Variants in CNMD observed in about 807,000 individuals in gnomAD.
CNMD encodes the protein leukocyte cell-derived chemotaxin 1.
CNMD carries 30 observed loss-of-function variants against 37.5 expected under a neutral mutation model. The ratio of observed to expected loss-of-function variants is 0.80; its 90% CI spans 0.60 to 1.09. The LOEUF (loss-of-function observed/expected upper bound fraction) is 1.09. CNMD is among the 50% of genes least tolerant of loss of function. CNMD has a pLI of 0.00. For synonymous variants in CNMD, 167 were observed against 148.2 expected, an observed-to-expected ratio of 1.13 and a Z score of -0.92; for missense variants, 398 against 423.9, an observed-to-expected ratio of 0.94 and a Z score of 0.54.
At position 52,734,688 on chromosome 13, in the gene CNMD, G is replaced by A. The variant is rs148246738; in HGVS notation, c.214-1329C>T. On this transcript the variant is annotated intron_variant, in intron 2 of 6. Transcript: ENST00000377962. ...CATATATATAAATCTTTAAAGTGGA[G>A]GAATGAGAACTGATGAAAAACTGTT... Among the ~76,000 whole-genome samples the A allele has an allele frequency of 4.8e-3, 723 of 151,996 alleles. 3 individuals are homozygous for A. Among genetic ancestry groups the A allele is most frequent in the African/African-American group, 0.016 (668 of 41,434 alleles).
At chr13:52,708,372 A>G (rs1312908090) in intron 6 of CNMD, among the ~76,000 whole-genome samples, 164 bp downstream of exon 6, 1 of 151,912 alleles carries the variant, frequency 6.6e-6, no homozygotes, top group East Asian at 2.0e-4. Flanking sequence ...TAGTAGAGAC[A>G]GGGTTTCACC....
At chr13:52,708,365 T>G (rs1964228158) in intron 6 of CNMD, among the ~76,000 whole-genome samples, 171 bp downstream of exon 6, 1 of 152,018 alleles carries the variant, frequency 6.6e-6, no homozygotes, top group Non-Finnish European at 1.5e-5. Flanking sequence ...GTATCTTTAG[T>G]AGAGACAGGG....
At chr13:52,708,879 T>C (rs529793025) in intron 5 of CNMD, among the ~76,000 whole-genome samples, 177 bp from the exon 6 acceptor site, 3 of 152,298 alleles carry the variant, frequency 2.0e-5, no homozygotes, top group South Asian at 4.1e-4. Context: ...CTTGGGCTAA[T>C]AGTTAAACAT....
intron 6 of CNMD, among the ~76,000 whole-genome samples, chr13:52,707,110 T>C (rs1594274961): frequency 6.6e-6 from 1 of 152,068 alleles, no homozygotes; most frequent in Non-Finnish European, 1.5e-5. Context: ...GCCAGGCTGG[T>C]CTTGAACTCC....
intron 6 of CNMD, 90 bp from the exon 7 acceptor site, chr13:52,703,900 C>T: frequency 2.7e-6 from 3 of 1,118,922 alleles, no homozygotes; most frequent in Admixed American, 2.0e-5. Context: ...CTGAATTTTT[C>T]ACTGCTACAG....
chr13:52,736,705 C>A (rs745731383), intron 2 of CNMD, among the ~76,000 whole-genome samples: 1 of 152,078 alleles, frequency 6.6e-6, no homozygotes, highest in Non-Finnish European at 1.5e-5. Context: ...CTTTTACAGC[C>A]AAGGATATTT....
At chr13:52,704,904 A>G (rs1340041222) in intron 6 of CNMD, among the ~76,000 whole-genome samples, 1 of 468 alleles carries the variant, frequency 2.1e-3, no homozygotes, top group Non-Finnish European at 4.1e-3. Flanking sequence ...CATCTCTACT[A>G]AAAAATTAGC....
At chr13:52,719,529 C>T (rs1282675330) in intron 4 of CNMD, among the ~76,000 whole-genome samples, 1 of 152,214 alleles carries the variant, frequency 6.6e-6, no homozygotes, top group Non-Finnish European at 1.5e-5. Flanking sequence ...CTGGTGGTGA[C>T]ACAATCTCTC....
chr13:52,733,190 A>C (rs1964702283), intron 3 of CNMD, 29 bp downstream of exon 3: 19 of 1,613,254 alleles, frequency 1.2e-5, no homozygotes, highest in Non-Finnish European at 1.6e-5. Context: ...TGCCTGGTTA[A>C]ATTCTCTAAA....
chr13:52,709,340 C>T (rs1226961987), intron 5 of CNMD, among the ~76,000 whole-genome samples: 2 of 152,176 alleles, frequency 1.3e-5, no homozygotes, highest in Non-Finnish European at 2.9e-5. Flanking sequence ...TCTCTCTAGA[C>T]TTCTGGCTAT....
chr13:52,733,231 A>G lies in CNMD; in HGVS notation c.342T>C (p.Asn114=). 2 of 1,614,136 alleles carry G rather than the reference A, an allele frequency of 1.2e-6. No homozygotes were observed. Among genetic ancestry groups the G allele is most frequent in the Non-Finnish European group, 1.7e-6 (2 of 1,179,966 alleles). Residue 114 remains asparagine (N), a synonymous_variant, in exon 3 of 7, where the codon AAT becomes AAC. Coordinates refer to ENST00000377962, the MANE Select transcript of CNMD (RefSeq NM_007015.3). ...GAAATATACTTACATTCTGGAAATCATTAACTGCAATTGCTTCTTCAGCTC... is the reference window on the plus strand; with the variant it reads ...GAAATATACTTACATTCTGGAAATCGTTAACTGCAATTGCTTCTTCAGCTC... ...GSGAEEAIAV[N]DFQNGITGIR...
chr13:52,725,498 G>A (rs1964557259), intron 3 of CNMD, among the ~76,000 whole-genome samples: 1 of 151,952 alleles, frequency 6.6e-6, no homozygotes, highest in African/African-American at 2.4e-5. Flanking sequence ...CTGCCTCAAG[G>A]GAAACATCAG....
At position 52,739,503 on chromosome 13, in the gene CNMD, A is replaced by C; in HGVS notation, c.72+127T>G. ...GCGTGGGGCGACATCCCACCCACAC[A>C]TTTGGGACCCAAATTTATCCCCCCG... On this transcript the variant is annotated intron_variant, in intron 1 of 6. Coordinates refer to ENST00000377962, the MANE Select transcript of CNMD (RefSeq NM_007015.3). The surrounding 1 kb of genome is among the most constrained non-coding windows in gnomAD (Gnocchi z 5.4). 1.1e-6 allele frequency: 1 copy of C among 880,822 alleles called. No homozygotes were observed. The highest frequency in any genetic ancestry group is 1.5e-5 in the South Asian group (1 of 65,090). 54.6% of individuals were successfully genotyped at this position (880,822 alleles called of 1,614,324 possible). A position where few individuals can be genotyped will look rare whatever the true frequency, so the allele number is the denominator to read the frequency against.
chr13:52,734,965 A>G (rs1170731015), intron 2 of CNMD, among the ~76,000 whole-genome samples: 2 of 152,230 alleles, frequency 1.3e-5, no homozygotes, highest in Non-Finnish European at 2.9e-5. Context: ...TTCATTCAGC[A>G]GGACAGAAAA....
chr13:52,724,706 G>A (rs1317508923), intron 3 of CNMD, among the ~76,000 whole-genome samples: 2 of 151,936 alleles, frequency 1.3e-5, no homozygotes, highest in Admixed American at 6.6e-5. Context: ...AGACCAGCCT[G>A]GCCACCATGG....
chr13:52,706,818 GTGTC>G (rs1419976130), intron 6 of CNMD, among the ~76,000 whole-genome samples: 6 of 152,072 alleles, frequency 3.9e-5, no homozygotes, highest in African/African-American at 1.4e-4. Flanking sequence ...TTTGGGGAGG[GTGTC>G]TGGAGTGGAA....
Position 52,724,115 on chromosome 13 carries a change from G to A in CNMD, c.355-5C>T. The A allele has an allele frequency of 6.3e-7, 1 of 1,593,244 alleles. No individual in the cohort carries two copies. The highest frequency in any genetic ancestry group is 2.2e-5 in the East Asian group (1 of 44,734). On this transcript the variant is annotated splice_region_variant and splice_polypyrimidine_tract_variant and intron_variant, in intron 3 of 6. Coordinates refer to ENST00000377962, the MANE Select transcript of CNMD (RefSeq NM_007015.3). ...AAAACGAATTCCTGTGATGCCCTAT[G>A]AAACAAAAGTGTATCCATCTATCTA...
At chr13:52,710,562 T>C (rs1964275441) in intron 5 of CNMD, among the ~76,000 whole-genome samples, 1 of 152,234 alleles carries the variant, frequency 6.6e-6, no homozygotes, top group Admixed American at 6.5e-5. Flanking sequence ...CATGGGCCGC[T>C]GGACCCTGGA....
At chr13:52,735,499 G>A (rs1378148128) in intron 2 of CNMD, among the ~76,000 whole-genome samples, 8 of 152,082 alleles carry the variant, frequency 5.3e-5, no homozygotes, top group African/African-American at 1.9e-4. Flanking sequence ...GTGGCCTGTG[G>A]TTTGAATTTC....
Sources: allele counts gnomAD v4.1 joint callset (sites outside exome capture counted in the v4.1 genomes callset), GRCh38; gene constraint gnomAD v4.1.1; non-coding constraint Gnocchi (gnomAD v3.1); transcripts MANE v1.5; gene names NCBI Gene and HGNC (gene_info 2026-07-23, HGNC 2026-07-21).